MLLT3: variants seen among roughly 807,000 people sequenced by gnomAD.
MLLT3 encodes the protein protein AF-9.
MLLT3 carries 4 observed loss-of-function variants against 53.2 expected under a neutral mutation model. That is an observed-to-expected ratio of 0.08 (90% confidence interval 0.04 to 0.17). The LOEUF (loss-of-function observed/expected upper bound fraction) is 0.17. Ranked by LOEUF, MLLT3 falls within the 10% of genes least tolerant of loss-of-function variation. MLLT3 has a pLI of 1.00. For missense variants in MLLT3, 569 were observed against 684.0 expected, an observed-to-expected ratio of 0.83 and a Z score of 1.87; for synonymous variants, 283 against 230.6, an observed-to-expected ratio of 1.23 and a Z score of -2.06.
At chr9:20,507,554 G>T (rs1200173103) in intron 2 of MLLT3, among the ~76,000 whole-genome samples, 1 of 151,842 alleles carries the variant, frequency 6.6e-6, no homozygotes, top group Non-Finnish European at 1.5e-5. Flanking sequence ...CAAATCTTTG[G>T]TCTAACAAAG....
At chr9:20,588,631 T>A (rs2131183188) in intron 2 of MLLT3, among the ~76,000 whole-genome samples, 1 of 152,316 alleles carries the variant, frequency 6.6e-6, no homozygotes, top group East Asian at 1.9e-4. Context: ...ACTCATGATT[T>A]GCCTCTCTGT....
chr9:20,532,820 T>C (rs941379524), intron 2 of MLLT3: 2 of 266,840 alleles, frequency 7.5e-6, no homozygotes, highest in Non-Finnish European at 1.5e-5. Flanking sequence ...CCCTGGACCA[T>C]TAAACAGCTA....
intron 4 of MLLT3, among the ~76,000 whole-genome samples, chr9:20,419,682 G>A (rs1822958412): frequency 6.6e-6 from 1 of 152,156 alleles, no homozygotes; most frequent in Non-Finnish European, 1.5e-5. Context: ...AGAAAAAGAA[G>A]TAGAACCCAA....
intron 2 of MLLT3, 42 bp from the exon 3 acceptor site, chr9:20,456,828 G>T: frequency 7.5e-7 from 1 of 1,327,484 alleles, no homozygotes; most frequent in South Asian, 1.3e-5. Context: ...GAGAATAATA[G>T]ACAAAAAGAC....
chr9:20,474,491 C>G (rs923578717), intron 2 of MLLT3, among the ~76,000 whole-genome samples: 4 of 152,040 alleles, frequency 2.6e-5, no homozygotes, highest in Non-Finnish European at 5.9e-5. Context: ...CATTCTGTTC[C>G]TATACACGAG....
In MLLT3 at chr9:20,618,180, AT is replaced by A. The variant is rs533048480; in HGVS notation, c.193+2473del. 3.3e-5 allele frequency among the ~76,000 whole-genome samples: 5 copies of A among 152,318 alleles called. No individual in the cohort carries two copies. The East Asian group carries it at 9.6e-4, about 29-fold the overall frequency. ...TAACTCAGATTTCTCACAAATTCATATTTTCAGTTTCTCCAATTTCCAATTG... is the reference window on the plus strand; with the variant it reads ...TAACTCAGATTTCTCACAAATTCATATTTCAGTTTCTCCAATTTCCAATTG... On this transcript the variant is annotated intron_variant, in intron 2 of 10. Transcript: ENST00000380338.
chr9:20,598,897 A>G (rs538386209), intron 2 of MLLT3, among the ~76,000 whole-genome samples: 3 of 152,346 alleles, frequency 2.0e-5, no homozygotes, highest in East Asian at 3.9e-4. Flanking sequence ...CTGCTGCTTT[A>G]GGCTTCTGAT....
At chr9:20,404,695 A>G (rs1822536850) in intron 5 of MLLT3, among the ~76,000 whole-genome samples, 1 of 152,090 alleles carries the variant, frequency 6.6e-6, no homozygotes, top group Non-Finnish European at 1.5e-5. Context: ...TTGTGGAGAC[A>G]TGATCTCACT....
chr9:20,536,718 TTTTG>T (rs1367088113), intron 2 of MLLT3, among the ~76,000 whole-genome samples: 7 of 152,202 alleles, frequency 4.6e-5, no homozygotes, highest in African/African-American at 1.4e-4. Flanking sequence ...GTAGTGCCTA[TTTTG>T]TTTGTTTTAA....
chr9:20,518,347 AAAACAAAC>A (rs898253780), intron 2 of MLLT3, among the ~76,000 whole-genome samples: 3 of 152,318 alleles, frequency 2.0e-5, no homozygotes, highest in Middle Eastern at 3.4e-3. Flanking sequence ...ACTCCGTCTC[AAAACAAAC>A]AAACAAACAA....
At position 20,510,092 on chromosome 9, in the gene MLLT3, G is replaced by C. The variant is rs183482485; in HGVS notation, c.194-53306C>G. Among the ~76,000 whole-genome samples the C allele has an allele frequency of 2.0e-5, 3 of 152,212 alleles. No homozygotes were observed. The East Asian group carries it at 5.8e-4, about 29-fold the overall frequency. Reference sequence around the variant, plus strand: ...TATTAGATAAATATTAAATATTTCTGCTTGGCGAAAGAGCAAGGCACCACC... The same window carrying C: ...TATTAGATAAATATTAAATATTTCTCCTTGGCGAAAGAGCAAGGCACCACC... On this transcript the variant is annotated intron_variant, in intron 2 of 10. Transcript: ENST00000380338.
chr9:20,549,650 G>A (rs1376948387), intron 2 of MLLT3, among the ~76,000 whole-genome samples: 1 of 152,174 alleles, frequency 6.6e-6, no homozygotes, highest in African/African-American at 2.4e-5. Context: ...AAACAGTCTG[G>A]CTCCAAATGG....
At position 20,563,295 on chromosome 9, in the gene MLLT3, CT is replaced by C. The variant is rs5896905; in HGVS notation, c.193+57358del. Among the ~76,000 whole-genome samples, 386 of 150,390 alleles carry C rather than the reference CT, an allele frequency of 2.6e-3. 2 individuals carry two copies. The highest frequency in any genetic ancestry group is 7.8e-3 in the African/African-American group (320 of 41,054). ...ATCTGATCTGCTAATATCTAAAACA[CT>C]TTTTTTTTTAAAGATCACTTGCTAT... On this transcript the variant is annotated intron_variant, in intron 2 of 10. Transcript: ENST00000380338.
At chr9:20,594,319 C>T (rs766139825) in intron 2 of MLLT3, among the ~76,000 whole-genome samples, 2 of 152,086 alleles carry the variant, frequency 1.3e-5, no homozygotes, top group Non-Finnish European at 2.9e-5. Context: ...GAGTGCTCCT[C>T]GACATACTAA....
intron 2 of MLLT3, among the ~76,000 whole-genome samples, chr9:20,535,556 C>A (rs568234322): frequency 3.1e-4 from 47 of 152,138 alleles, no homozygotes; most frequent in Admixed American, 3.0e-3. Context: ...AAAAATCAAT[C>A]ATAAAATATT....
At chr9:20,431,266 T>C (rs958230117) in intron 4 of MLLT3, among the ~76,000 whole-genome samples, 2 of 152,258 alleles carry the variant, frequency 1.3e-5, no homozygotes, top group Non-Finnish European at 1.5e-5. Context: ...TAGATGCTTA[T>C]TAGAAATTTA....
intron 5 of MLLT3, among the ~76,000 whole-genome samples, chr9:20,407,421 A>G (rs1401306260): frequency 6.6e-6 from 1 of 152,168 alleles, no homozygotes; most frequent in Admixed American, 6.5e-5. Context: ...TCTTCCCTCA[A>G]TCCTGGCTCT....
At chr9:20,488,449 G>A (rs538082520) in intron 2 of MLLT3, among the ~76,000 whole-genome samples, 2 of 152,212 alleles carry the variant, frequency 1.3e-5, no homozygotes, top group Non-Finnish European at 2.9e-5. Context: ...TGAACAATGT[G>A]TACTCGTAGA....
intron 2 of MLLT3, among the ~76,000 whole-genome samples, chr9:20,459,734 C>T (rs1824062689): frequency 1.3e-5 from 2 of 152,004 alleles, no homozygotes; most frequent in Non-Finnish European, 2.9e-5. Flanking sequence ...TTTTTCCCCA[C>T]CCTTTAAAGG....
Sources: allele counts gnomAD v4.1 joint callset (sites outside exome capture counted in the v4.1 genomes callset), GRCh38; gene constraint gnomAD v4.1.1; transcripts MANE v1.5; gene names NCBI Gene and HGNC (gene_info 2026-07-23, HGNC 2026-07-21).